Variants in MISP observed in about 807,000 individuals in gnomAD.
The protein encoded by MISP is mitotic interactor and substrate of PLK1.
Under a neutral mutation model 49.3 loss-of-function variants are expected in MISP, and 51 were observed. That is an observed-to-expected ratio of 1.03 (90% CI 0.83 to 1.31). The LOEUF (loss-of-function observed/expected upper bound fraction) is 1.31. Among genes scored for constraint, MISP ranks in the 50% most tolerant of loss-of-function variants. The pLI is 0.00. For synonymous variants in MISP, 444 were observed against 392.6 expected (o/e 1.13, Z -1.55); for missense variants, 1,084 against 935.1 (o/e 1.16, Z -2.08).
chr19:759,339 A>G (rs1354801140), intron 2 of MISP, among the ~76,000 whole-genome samples: 1 of 143,256 alleles, frequency 7.0e-6, no homozygotes, highest in Non-Finnish European at 1.5e-5. Context: ...ATATATGTTT[A>G]TCCTCTTGGA....
rs923289643 is a variant in MISP at position 764,237 on chromosome 19, A to C, written c.*647A>C. Reference sequence around the variant, plus strand: ...GGATGGTCCCCTTCACCTGGGAGAAAAGTGACCCAGTTTAGGAGCTGGAGG... The same window carrying C: ...GGATGGTCCCCTTCACCTGGGAGAACAGTGACCCAGTTTAGGAGCTGGAGG... On this transcript the variant is annotated 3_prime_UTR_variant, in exon 5 of 5. Transcript: ENST00000215582. The C allele has an allele frequency of 6.6e-6, 1 of 152,196 alleles. No individual in the cohort carries two copies. The highest frequency in any genetic ancestry group is 1.5e-5 in the Non-Finnish European group (1 of 68,086). The allele number at this position is 152,196 out of a possible 1,614,324, so 9.4% of individuals were successfully genotyped here. A position where few individuals can be genotyped will look rare whatever the true frequency, so the allele number is the denominator to read the frequency against.
chr19:757,399 A>T lies in MISP; in HGVS notation c.453A>T (p.Ala151=), dbSNP rs3746172. The T allele has an allele frequency of 1.2e-6, 2 of 1,607,056 alleles. No homozygotes were observed. The highest frequency in any genetic ancestry group is 1.3e-5 in the African/African-American group (1 of 74,732). ...RERWAVIQGQ[A]VRKSSTVATL... ...GCTGGGCCGTCATCCAGGGCCAGGC[A>T]GTCAGGAAGAGCAGCACCGTGGCCA... Residue 151 remains alanine (A), a synonymous_variant, in exon 2 of 5, where the codon GCA becomes GCT. Coordinates refer to ENST00000215582, the MANE Select transcript of MISP (RefSeq NM_173481.4).
intron 1 of MISP, among the ~76,000 whole-genome samples, chr19:752,112 G>C (rs1208255753): frequency 6.6e-6 from 1 of 152,162 alleles, no homozygotes; most frequent in Non-Finnish European, 1.5e-5. Flanking sequence ...TGTGACCTCA[G>C]ATGAGCAGGT....
At chr19:754,859 G>A (rs572563044) in intron 1 of MISP, among the ~76,000 whole-genome samples, 24 of 152,174 alleles carry the variant, frequency 1.6e-4, no homozygotes, top group Admixed American at 7.2e-4. Flanking sequence ...CCTGGTTTGG[G>A]GTGGAAGAGG....
At chr19:756,274 G>A (rs1178841795) in intron 1 of MISP, among the ~76,000 whole-genome samples, 1 of 152,180 alleles carries the variant, frequency 6.6e-6, no homozygotes, top group Non-Finnish European at 1.5e-5. Context: ...AAGTCCCAGG[G>A]TCTCATGTCA....
chr19:756,956 G>C lies in MISP; in HGVS notation c.10G>C (p.Val4Leu). The C allele has an allele frequency of 6.4e-7, 1 of 1,564,266 alleles. No individual in the cohort carries two copies. The highest frequency in any genetic ancestry group is 1.2e-5 in the South Asian group (1 of 85,424). ...CAAGACCCCGGAAGAGATGGACCGC[G>C]TGACCAGATACCCCATCCTGGGCAT... MDR[V>L]TRYPILGIPQ... Residue 4 changes from valine to leucine, a missense_variant, in exon 2 of 5, where the codon GTG (valine) becomes CTG (leucine). Physicochemically the swap from Val to Leu is conservative, Grantham distance 32. Transcript: ENST00000215582.
In MISP at chr19:757,049, T is replaced by C. The variant is rs1463689983; in HGVS notation, c.103T>C (p.Cys35Arg). ...GDTSYTYHLV[C>R]MGPEASGWGQ... ...CACCAGCTACACATACCATCTGGTG[T>C]GCATGGGCCCCGAGGCCAGCGGCTG... Residue 35 changes from cysteine (C) to arginine (R), a missense_variant, in exon 2 of 5, where the codon TGC becomes CGC. Coordinates refer to ENST00000215582, the MANE Select transcript of MISP (RefSeq NM_173481.4). The C allele has an allele frequency of 1.2e-6, 2 of 1,609,510 alleles. No homozygotes were observed. The highest frequency in any genetic ancestry group is 1.3e-5 in the African/African-American group (1 of 74,842).
upstream of MISP, among the ~76,000 whole-genome samples, chr19:749,337 G>A (rs1485356661): frequency 2.0e-5 from 3 of 152,158 alleles, no homozygotes; most frequent in African/African-American, 4.8e-5. Context: ...CTAAACCCCC[G>A]CCATTCCTGA....
In MISP at chr19:757,931, C is replaced by A. The variant is rs1301212798; in HGVS notation, c.985C>A (p.Pro329Thr). The A allele has an allele frequency of 1.2e-6, 2 of 1,601,078 alleles. No individual in the cohort carries two copies. Residue 329 changes from proline to threonine, a missense_variant, in exon 2 of 5, where the codon CCG becomes ACG. Transcript: ENST00000215582. ...GGAGCTGGTGGAAATCCCCACCAGG[C>A]CGCTGCTGACCAAGCTGAGCCTGAT... ...HQELVEIPTR[P>T]LLTKLSLITA... is the part of the protein sequence containing the mutation.
At chr19:748,596 G>A (rs563276597), upstream of MISP, among the ~76,000 whole-genome samples, 1 of 152,254 alleles carries the variant, frequency 6.6e-6, no homozygotes, top group South Asian at 2.1e-4. Context: ...CGGCCGCCCC[G>A]TCCTGTCCTT....
In MISP at chr19:756,899, A is replaced by G. The variant is rs757017382; in HGVS notation, c.-48A>G. 7 of 1,433,562 alleles carry G rather than the reference A, an allele frequency of 4.9e-6. No homozygotes were observed. The South Asian group carries it at 1.0e-4, about 21-fold the overall frequency. 88.8% of individuals were successfully genotyped at this position (1,433,562 alleles called of 1,614,324 possible). A position where few individuals can be genotyped will look rare whatever the true frequency, so the allele number is the denominator to read the frequency against. ...CCTTCTCCTCCCTCAGTAAGCCCAG[A>G]GGTCTCCACCCCACGGGAGGAAGGC... On this transcript the variant is annotated 5_prime_UTR_variant, in exon 2 of 5. Transcript: ENST00000215582.
At position 758,547 on chromosome 19, in the gene MISP, C is replaced by T; in HGVS notation, c.1601C>T (p.Pro534Leu). 2 of 1,614,174 alleles carry T rather than the reference C, an allele frequency of 1.2e-6. No individual in the cohort carries two copies. Among genetic ancestry groups the T allele is most frequent in the East Asian group, 2.2e-5 (1 of 44,886 alleles). Reference sequence around the variant, plus strand: ...TGGGGCTGGGAGGTGGCTGGGGCCCCTGCACTGAGGCTGCAGAAGTCCCAG... The same window carrying T: ...TGGGGCTGGGAGGTGGCTGGGGCCCTTGCACTGAGGCTGCAGAAGTCCCAG... Reference protein sequence around the residue: ...HVWGWEVAGAPALRLQKSQSS... With the variant: ...HVWGWEVAGALALRLQKSQSS... The change falls in exon 2 of 5, where the codon CCT becomes CTT. Residue 534 changes from proline (P) to leucine (L), a missense_variant. Pro to Leu is a moderately conservative substitution (Grantham distance 98). Coordinates refer to ENST00000215582, the MANE Select transcript of MISP (RefSeq NM_173481.4).
Position 756,898 on chromosome 19 carries a change from G to C in MISP, c.-49G>C, listed in dbSNP as rs1238256513. 1.4e-6 allele frequency: 2 copies of C among 1,433,352 alleles called. No homozygotes were observed. Among genetic ancestry groups the C allele is most frequent in the South Asian group, 2.9e-5 (2 of 69,078 alleles). 88.8% of individuals were successfully genotyped at this position (1,433,352 alleles called of 1,614,324 possible). On this transcript the variant is annotated 5_prime_UTR_variant, in exon 2 of 5. Coordinates refer to ENST00000215582, the MANE Select transcript of MISP (RefSeq NM_173481.4). ...TCCTTCTCCTCCCTCAGTAAGCCCA[G>C]AGGTCTCCACCCCACGGGAGGAAGG...
At chr19:748,850 C>T (rs868360609), upstream of MISP, among the ~76,000 whole-genome samples, 1 of 152,146 alleles carries the variant, frequency 6.6e-6, no homozygotes, top group African/African-American at 2.4e-5. Flanking sequence ...GTAAAATAAG[C>T]CTTCGTGGCC....
At position 757,289 on chromosome 19, in the gene MISP, G is replaced by C; in HGVS notation, c.343G>C (p.Asp115His). 1 of 1,614,064 alleles carries C rather than the reference G, an allele frequency of 6.2e-7. No individual in the cohort carries two copies. Among genetic ancestry groups the C allele is most frequent in the Non-Finnish European group, 8.5e-7 (1 of 1,180,000 alleles). ...GRPTWALRPE[D>H]GEDKEMKTYR... ...TCCAACATGGGCACTCCGCCCAGAG[G>C]ACGGGGAGGACAAGGAGATGAAGAC... is the stretch of plus-strand genomic sequence containing the variant. Residue 115 changes from aspartate (D) to histidine (H), a missense_variant, in exon 2 of 5, where the codon GAC becomes CAC. Coordinates refer to ENST00000215582, the MANE Select transcript of MISP (RefSeq NM_173481.4).
chr19:759,164 C>T (rs1217137783), intron 2 of MISP, among the ~76,000 whole-genome samples: 2 of 151,818 alleles, frequency 1.3e-5, no homozygotes, highest in Non-Finnish European at 2.9e-5. Context: ...GCTGGGATTA[C>T]AGGTGCCCAC....
Position 763,753 on chromosome 19 carries a change from G to C in MISP, c.*163G>C, listed in dbSNP as rs529824312. 2 of 586,344 alleles carry C rather than the reference G, an allele frequency of 3.4e-6. No homozygotes were observed. Among genetic ancestry groups the C allele is most frequent in the Admixed American group, 3.0e-5 (1 of 33,856 alleles). 36.3% of individuals were successfully genotyped at this position (586,344 alleles called of 1,614,324 possible). On this transcript the variant is annotated 3_prime_UTR_variant, in exon 5 of 5. Transcript: ENST00000215582. ...ACCATGGGCACATTTGGGACTGTTG[G>C]GTTTTTCGTTTCCGTTTCTATCTTC...
In MISP at chr19:762,373, C is replaced by CT. The variant is rs538259846; in HGVS notation, c.1950+711dup. On this transcript the variant is annotated intron_variant, in intron 4 of 4. Coordinates refer to ENST00000215582, the MANE Select transcript of MISP (RefSeq NM_173481.4). ...GTTCAAGCGATTCTCCTGCCTCAGC[C>CT]TCCCAAGTTGCTGGGATTACAGGCA... Among the ~76,000 whole-genome samples, 27 of 152,196 alleles carry CT rather than the reference C, an allele frequency of 1.8e-4. No homozygotes were observed. In the South Asian group the frequency reaches 3.5e-3, roughly 20 times the overall value.
Position 758,436 on chromosome 19 carries a change from G to T in MISP, c.1490G>T (p.Gly497Val), listed in dbSNP as rs746783008. 3.7e-6 allele frequency: 6 copies of T among 1,614,100 alleles called. No homozygotes were observed. Among genetic ancestry groups the T allele is most frequent in the East Asian group, 2.2e-5 (1 of 44,892 alleles). ...CGGGGATGCCCGCAAGCCAACAGGGGTGTCGTGCGGTGGGAGTACTTCCGC... is the reference window on the plus strand; with the variant it reads ...CGGGGATGCCCGCAAGCCAACAGGGTTGTCGTGCGGTGGGAGTACTTCCGC... ...PPRGCPQANR[G>V]VVRWEYFRLR... Residue 497 changes from glycine to valine, a missense_variant, in exon 2 of 5, where the codon GGT (glycine) becomes GTT (valine). Transcript: ENST00000215582.
Sources: allele counts gnomAD v4.1 joint callset (sites outside exome capture counted in the v4.1 genomes callset), GRCh38; gene constraint gnomAD v4.1.1; transcripts MANE v1.5; gene names NCBI Gene and HGNC (gene_info 2026-07-23, HGNC 2026-07-21).